The following PGM1 variants were observed in gnomAD, a reference collection of about 807,000 sequenced individuals.
PGM1 encodes the protein phosphoglucomutase-1.
PGM1 carries 52 observed loss-of-function variants against 55.6 expected under a neutral mutation model. The ratio of observed to expected loss-of-function variants is 0.94; its 90% CI spans 0.75 to 1.18. The LOEUF is 1.18. Ranked by LOEUF, PGM1 falls within the 50% of genes most tolerant of loss-of-function variation. PGM1 has a pLI of 0.00. For synonymous variants in PGM1, 287 were observed against 271.7 expected (o/e 1.06, Z -0.55); for missense variants, 724 against 729.3 (o/e 0.99, Z 0.08).
At chr1:63,626,549 T>TGG (rs1649022455) in intron 1 of PGM1, among the ~76,000 whole-genome samples, 2 of 152,182 alleles carry the variant, frequency 1.3e-5, no homozygotes, top group Non-Finnish European at 2.9e-5. Context: ...TGTGTCAGAA[T>TGG]TTTATTCCCT....
intron 5 of PGM1, 52 bp downstream of exon 5, chr1:63,635,071 G>C (rs375263927): frequency 6.7e-6 from 10 of 1,503,474 alleles, no homozygotes; most frequent in Non-Finnish European, 9.3e-6. Flanking sequence ...GCCTGATCCT[G>C]CAGATGGGGA....
At chr1:63,602,015 A>C (rs1648258047) in intron 1 of PGM1, among the ~76,000 whole-genome samples, 1 of 152,210 alleles carries the variant, frequency 6.6e-6, no homozygotes, top group Non-Finnish European at 1.5e-5. Context: ...TTTTTGAAGG[A>C]TGAAATGCGA....
At chr1:63,628,022 G>A (rs1222868706) in intron 1 of PGM1, among the ~76,000 whole-genome samples, 2 of 152,112 alleles carry the variant, frequency 1.3e-5, no homozygotes, top group African/African-American at 4.8e-5. Flanking sequence ...TATTATTGCT[G>A]CTGGATGGAG....
intron 7 of PGM1, among the ~76,000 whole-genome samples, chr1:63,642,735 T>G (rs1434133719): frequency 6.6e-6 from 1 of 152,216 alleles, no homozygotes; most frequent in Non-Finnish European, 1.5e-5. Context: ...TTCCCTGTCC[T>G]GTCTTTAAAG....
Position 63,628,477 on chromosome 1 carries a change from C to T in PGM1, c.247-948C>T, listed in dbSNP as rs147469846. Reference sequence around the variant, plus strand: ...CTCCCCAGGGAATCCAGGTATCTCACGGACATTTTCAACACTAGAAACACA... The same window carrying T: ...CTCCCCAGGGAATCCAGGTATCTCATGGACATTTTCAACACTAGAAACACA... On this transcript the variant is annotated intron_variant, in intron 1 of 10. Transcript: ENST00000371084. 4.0e-3 allele frequency among the ~76,000 whole-genome samples: 614 copies of T among 152,258 alleles called. 5 individuals are homozygous for T. The highest frequency in any genetic ancestry group is 0.014 in the African/African-American group (583 of 41,554).
intron 1 of PGM1, among the ~76,000 whole-genome samples, chr1:63,621,541 A>G (rs1252697206): frequency 2.0e-5 from 3 of 152,214 alleles, no homozygotes; most frequent in African/African-American, 7.2e-5. Context: ...AAAACCAGGG[A>G]AAACTTGGCA....
intron 7 of PGM1, among the ~76,000 whole-genome samples, chr1:63,644,670 A>G (rs1649605594): frequency 6.6e-6 from 1 of 152,222 alleles, no homozygotes; most frequent in Non-Finnish European, 1.5e-5. Context: ...AACTATTTCT[A>G]CTTGCTTTTT....
At chr1:63,636,619 G>A (rs767654200) in intron 6 of PGM1, among the ~76,000 whole-genome samples, 2 of 152,146 alleles carry the variant, frequency 1.3e-5, no homozygotes, top group Non-Finnish European at 2.9e-5. Flanking sequence ...ACCACACTGT[G>A]TTCTAGTAGC....
At chr1:63,639,003 C>T (rs1199408991) in intron 7 of PGM1, among the ~76,000 whole-genome samples, 1 of 152,146 alleles carries the variant, frequency 6.6e-6, no homozygotes, top group South Asian at 2.1e-4. Context: ...ATTTTACTTT[C>T]AGAGGATCAT....
chr1:63,593,802 C>A, intron 1 of PGM1, 68 bp downstream of exon 1: 1 of 1,452,130 alleles, frequency 6.9e-7, no homozygotes, highest in South Asian at 1.4e-5. Context: ...CCGCGGCGCC[C>A]TCCCTCGCTC....
chr1:63,622,151 A>G (rs901413820), intron 1 of PGM1, among the ~76,000 whole-genome samples: 1 of 152,004 alleles, frequency 6.6e-6, no homozygotes, highest in Non-Finnish European at 1.5e-5. Context: ...CAGCCTCCCA[A>G]GTAGCTGTGA....
intron 1 of PGM1, among the ~76,000 whole-genome samples, chr1:63,614,948 A>G (rs1451326555): frequency 1.5e-5 from 2 of 136,188 alleles, no homozygotes; most frequent in Non-Finnish European, 3.1e-5. Context: ...AAATAAAGAA[A>G]CTGAGGCCAG....
chr1:63,632,752 C>T (rs1649230269), intron 4 of PGM1, among the ~76,000 whole-genome samples: 1 of 152,186 alleles, frequency 6.6e-6, no homozygotes, highest in Non-Finnish European at 1.5e-5. Flanking sequence ...GTGGCTCACA[C>T]CTGTAATCCC....
intron 8 of PGM1, 123 bp downstream of exon 8, chr1:63,648,775 A>C: frequency 9.8e-7 from 1 of 1,023,460 alleles, no homozygotes; most frequent in Non-Finnish European, 1.5e-6. Context: ...AGCCTCTCTC[A>C]ATTGGAGACT....
At chr1:63,610,329 C>T (rs1259930191) in intron 1 of PGM1, among the ~76,000 whole-genome samples, 2 of 152,146 alleles carry the variant, frequency 1.3e-5, no homozygotes, top group East Asian at 1.9e-4. Context: ...CACACAGTTT[C>T]GTCTAGTTCT....
chr1:63,654,596 A>T, intron 10 of PGM1, 130 bp downstream of exon 10: 1 of 837,246 alleles, frequency 1.2e-6, no homozygotes. Flanking sequence ...ACTTTCTTCC[A>T]TGTTTCTTTC....
chr1:63,623,572 A>G, intron 1 of PGM1: 1 of 1,612,874 alleles, frequency 6.2e-7, no homozygotes, highest in Non-Finnish European at 8.5e-7. Flanking sequence ...ACCAGGAACA[A>G]GTGGATTACG....
rs587777401 is a variant in PGM1, at chr1:63,654,414, T to C, written c.1547T>C (p.Leu516Pro). The change falls in exon 10 of 11, where the codon CTG (leucine) becomes CCG (proline). Residue 516 changes from leucine to proline, a missense_variant. Leu to Pro is a moderately conservative substitution (Grantham distance 98). Around this residue, in one of 3 missense-constraint regions of PGM1, gnomAD observed 316 missense variants for 313.1 expected, o/e 1.01. Transcript: ENST00000371084. Reference protein sequence around the residue: ...GTGSAGATIRLYIDSYEKDVA... With the variant: ...GTGSAGATIRPYIDSYEKDVA... ...GGGAGTGCCGGGGCCACCATTCGGCTGTACATCGATAGCTATGAGAAGGAC... is the reference window on the plus strand; with the variant it reads ...GGGAGTGCCGGGGCCACCATTCGGCCGTACATCGATAGCTATGAGAAGGAC... 3 of 1,614,012 alleles carry C rather than the reference T, an allele frequency of 1.9e-6. No homozygotes were observed. Among genetic ancestry groups the C allele is most frequent in the Admixed American group, 3.3e-5 (2 of 60,010 alleles).
At chr1:63,615,823 C>G (rs918321333) in intron 1 of PGM1, among the ~76,000 whole-genome samples, 3 of 151,790 alleles carry the variant, frequency 2.0e-5, no homozygotes, top group South Asian at 4.2e-4. Flanking sequence ...GCCCCAGAGT[C>G]CCACCATATT....
Sources: gnomAD v4.1 joint callset for allele counts (sites outside exome capture counted in the v4.1 genomes callset) on GRCh38, gnomAD v4.1.1 for gene constraint, gnomAD v4.1.1 regional missense constraint, MANE v1.5 for transcripts, NCBI Gene and HGNC (gene_info 2026-07-23, HGNC 2026-07-21) for gene names.